The following FBXW8 variants were observed in gnomAD, a reference collection of about 807,000 sequenced individuals.
FBXW8 encodes the protein F-box and WD repeat domain containing 8.
Under a neutral mutation model 65.3 loss-of-function variants are expected in FBXW8, and 57 were observed. That is an observed-to-expected ratio of 0.87 (90% CI 0.71 to 1.09). FBXW8 has a LOEUF of 1.09. FBXW8 is among the 50% of genes least tolerant of loss of function. The pLI, the probability that FBXW8 is intolerant of heterozygous loss-of-function variation, is 0.00. For missense variants in FBXW8, 777 were observed against 814.8 expected, an observed-to-expected ratio of 0.95 and a Z score of 0.57; for synonymous variants, 308 against 330.2, an observed-to-expected ratio of 0.93 and a Z score of 0.73.
At chr12:116,989,477 G>A (rs1215447035) in intron 7 of FBXW8, among the ~76,000 whole-genome samples, 1 of 152,164 alleles carries the variant, frequency 6.6e-6, no homozygotes, top group Non-Finnish European at 1.5e-5. Context: ...TTCTAAAAAG[G>A]TGCATCAGAA....
intron 5 of FBXW8, 162 bp from the exon 6 acceptor site, chr12:116,985,044 C>T: frequency 1.8e-6 from 1 of 552,854 alleles, no homozygotes; most frequent in Non-Finnish European, 3.2e-6. Context: ...AGGCCATGTG[C>T]ATCAGGTATA....
In FBXW8 at chr12:116,961,295, G is replaced by A. The variant is rs1003318104; in HGVS notation, c.678-3402G>A. Among the ~76,000 whole-genome samples the A allele has an allele frequency of 1.3e-5, 2 of 152,152 alleles. No individual in the cohort carries two copies. Among genetic ancestry groups the A allele is most frequent in the Admixed American group, 6.5e-5 (1 of 15,270 alleles). ...ATTACAGGCATGAGCCACCGTGCCC[G>A]GCCTGTATCTGCACTTTTTAAAGCA... On this transcript the variant is annotated intron_variant, in intron 4 of 10. Coordinates refer to ENST00000652555, the MANE Select transcript of FBXW8 (RefSeq NM_153348.3). This position sits in a 1 kb window ranked among gnomAD's most constrained non-coding sequence, Gnocchi z 4.4.
intron 9 of FBXW8, 89 bp from the exon 10 acceptor site, chr12:117,027,305 T>G: frequency 2.1e-6 from 2 of 944,570 alleles, no homozygotes; most frequent in Non-Finnish European, 3.4e-6. Context: ...GGTTCTAGAA[T>G]CCCCTGCAGC....
At chr12:116,946,857 C>T (rs1172704039) in intron 3 of FBXW8, among the ~76,000 whole-genome samples, 2 of 152,034 alleles carry the variant, frequency 1.3e-5, no homozygotes, top group Non-Finnish European at 2.9e-5. Context: ...GGGTCTAACC[C>T]TGGTGGGAGG....
intron 1 of FBXW8, among the ~76,000 whole-genome samples, chr12:116,915,096 T>G (rs1252168753): frequency 6.6e-6 from 1 of 152,204 alleles, no homozygotes; most frequent in Non-Finnish European, 1.5e-5. Context: ...ATAAACCTAC[T>G]CCTTCTCTCC....
chr12:116,936,429 T>C lies in FBXW8; in HGVS notation c.423+8302T>C, dbSNP rs1882166137. Among the ~76,000 whole-genome samples, 1 of 152,146 alleles carries C rather than the reference T, an allele frequency of 6.6e-6. No homozygotes were observed. The highest frequency in any genetic ancestry group is 6.5e-5 in the Admixed American group (1 of 15,276). ...GATAAAACGCCCTTTGCCGATGTGATTAGGTTAAGGATCTAGAGATGGGGT... is the reference window on the plus strand; with the variant it reads ...GATAAAACGCCCTTTGCCGATGTGACTAGGTTAAGGATCTAGAGATGGGGT... On this transcript the variant is annotated intron_variant, in intron 2 of 10. Coordinates refer to ENST00000652555, the MANE Select transcript of FBXW8 (RefSeq NM_153348.3). This position sits in a 1 kb window ranked among gnomAD's most constrained non-coding sequence, Gnocchi z 4.6.
intron 2 of FBXW8, among the ~76,000 whole-genome samples, chr12:116,929,335 A>G (rs1881585934): frequency 6.6e-6 from 1 of 152,014 alleles, no homozygotes; most frequent in Non-Finnish European, 1.5e-5. Flanking sequence ...CCTGGGTTCA[A>G]GCTATTCTCT....
At chr12:116,967,081 G>A (rs1055324164) in intron 5 of FBXW8, among the ~76,000 whole-genome samples, 37 of 151,636 alleles carry the variant, frequency 2.4e-4, no homozygotes, top group African/African-American at 8.5e-4. Flanking sequence ...AAGAAGTCGA[G>A]GTATTCCTCC....
chr12:116,951,277 G>C (rs1883266357), intron 4 of FBXW8: 1 of 152,178 alleles, frequency 6.6e-6, no homozygotes, highest in Non-Finnish European at 1.5e-5. Flanking sequence ...CTTCAGTCTT[G>C]CTTGTATGTA....
At position 117,029,980 on chromosome 12, in the gene FBXW8, A is replaced by G. The variant is rs1252025772; in HGVS notation, c.*1808A>G. Reference sequence around the variant, plus strand: ...ATAAAACATAAAGGTACAGTGGTCTATGAGGAAGAGAAAAGGTACCTGAGG... The same window carrying G: ...ATAAAACATAAAGGTACAGTGGTCTGTGAGGAAGAGAAAAGGTACCTGAGG... On this transcript the variant is annotated 3_prime_UTR_variant, in exon 11 of 11. Transcript: ENST00000652555. 6.6e-6 allele frequency: 1 copy of G among 152,118 alleles called. No homozygotes were observed. Among genetic ancestry groups the G allele is most frequent in the Non-Finnish European group, 1.5e-5 (1 of 68,032 alleles). The allele number at this position is 152,118 out of a possible 1,614,324, so 9.4% of individuals were successfully genotyped here.
chr12:116,970,074 C>T (rs1884559964), intron 5 of FBXW8, among the ~76,000 whole-genome samples: 1 of 152,298 alleles, frequency 6.6e-6, no homozygotes, highest in South Asian at 2.1e-4. Context: ...GCAGGGACGG[C>T]GGAGACCTTG....
At position 116,999,335 on chromosome 12, in the gene FBXW8, G is replaced by A. The variant is rs529138137; in HGVS notation, c.1239+10466G>A. ...CTCTGCTGCAGGAGAACTGTGCCAG[G>A]GACGTGGGATGACCGACTGGCCCCA... On this transcript the variant is annotated intron_variant, in intron 7 of 10. Transcript: ENST00000652555. Among the ~76,000 whole-genome samples, 6 of 152,286 alleles carry A rather than the reference G, an allele frequency of 3.9e-5. No homozygotes were observed. In the South Asian group the frequency reaches 6.2e-4, roughly 16 times the overall value.
At chr12:117,015,833 C>T (rs2135715744) in intron 8 of FBXW8, among the ~76,000 whole-genome samples, 2 of 152,330 alleles carry the variant, frequency 1.3e-5, no homozygotes, top group Middle Eastern at 6.8e-3. Context: ...CATTAGCAGT[C>T]ACTCCCCAGT....
Position 116,911,187 on chromosome 12 carries a change from G to A in FBXW8, c.150G>A (p.Ser50=), listed in dbSNP as rs1867891306. 5 of 1,296,320 alleles carry A rather than the reference G, an allele frequency of 3.9e-6. No homozygotes were observed. The highest frequency in any genetic ancestry group is 4.9e-6 in the Non-Finnish European group (5 of 1,028,336). 80.3% of individuals were successfully genotyped at this position (1,296,320 alleles called of 1,614,324 possible). A position where few individuals can be genotyped will look rare whatever the true frequency, so the allele number is the denominator to read the frequency against. Residue 50 remains serine (S), a synonymous_variant, in exon 1 of 11, where the codon TCG becomes TCA. Transcript: ENST00000652555. ...EVGSGRGEQA[S]GDPALAQRLL... ...GCTCCGGGCGCGGCGAACAGGCCTC[G>A]GGGGACCCGGCGCTGGCCCAGCGTC...
At chr12:116,976,068 C>T (rs1884908728) in intron 5 of FBXW8, among the ~76,000 whole-genome samples, 1 of 152,156 alleles carries the variant, frequency 6.6e-6, no homozygotes, top group South Asian at 2.1e-4. Context: ...AACTGGAACT[C>T]TTTGCATAAT....
At chr12:116,923,926 G>A (rs1593042551) in intron 1 of FBXW8, among the ~76,000 whole-genome samples, 1 of 152,154 alleles carries the variant, frequency 6.6e-6, no homozygotes, top group Non-Finnish European at 1.5e-5. Flanking sequence ...TGTTAGCCAG[G>A]ATGATCTCCA....
At chr12:117,000,349 A>G (rs1953484890) in intron 7 of FBXW8, among the ~76,000 whole-genome samples, 1 of 152,252 alleles carries the variant, frequency 6.6e-6, no homozygotes, top group South Asian at 2.1e-4. Flanking sequence ...TGGAAGCAGG[A>G]AGTAAGCACT....
chr12:117,003,649 G>C (rs552732596), intron 7 of FBXW8, among the ~76,000 whole-genome samples: 2 of 152,258 alleles, frequency 1.3e-5, no homozygotes, highest in Middle Eastern at 3.4e-3. Context: ...AGTGTTTTCC[G>C]TGTTTCTTTC....
intron 2 of FBXW8, among the ~76,000 whole-genome samples, chr12:116,940,697 C>T (rs1021175312): frequency 2.6e-5 from 4 of 152,110 alleles, no homozygotes; most frequent in East Asian, 1.9e-4. Flanking sequence ...CTTTTCATTT[C>T]CCTTAAATAT....
Sources: gnomAD v4.1 joint callset for allele counts (sites outside exome capture counted in the v4.1 genomes callset) on GRCh38, gnomAD v4.1.1 for gene constraint, Gnocchi (gnomAD v3.1) non-coding constraint, MANE v1.5 for transcripts, NCBI Gene and HGNC (gene_info 2026-07-23, HGNC 2026-07-21) for gene names.